Variants in TRAP1 observed in about 807,000 individuals in gnomAD.
TRAP1 encodes heat shock protein 75 kDa, mitochondrial.
A neutral mutation model predicts 89.1 loss-of-function variants in TRAP1; 102 were observed. The observed-to-expected ratio is 1.15, with a 90% CI of 0.98 to 1.35. TRAP1 has a LOEUF of 1.35. Ranked by LOEUF, TRAP1 falls within the 40% of genes most tolerant of loss-of-function variation. The pLI, the probability that TRAP1 is intolerant of heterozygous loss-of-function variation, is 0.00. For missense variants in TRAP1, 1,256 were observed against 945.3 expected, an observed-to-expected ratio of 1.33 and a Z score of -4.31; for synonymous variants, 508 against 388.0, an observed-to-expected ratio of 1.31 and a Z score of -3.64.
chr16:3,711,685 T>G (rs2051534297), intron 1 of TRAP1, among the ~76,000 whole-genome samples: 1 of 152,020 alleles, frequency 6.6e-6, no homozygotes, highest in Non-Finnish European at 1.5e-5. Context: ...ATACTGTTTC[T>G]CCAAGCTACA....
At chr16:3,714,465 C>A (rs966350779) in intron 1 of TRAP1, among the ~76,000 whole-genome samples, 1 of 152,080 alleles carries the variant, frequency 6.6e-6, no homozygotes, top group African/African-American at 2.4e-5. Flanking sequence ...TCGAGACCAC[C>A]CTGGCCAGCA....
In TRAP1 at chr16:3,704,400, A is replaced by G. The variant is rs371116322; in HGVS notation, c.88+13021T>C. 69 of 152,298 alleles carry G rather than the reference A, an allele frequency of 4.5e-4. No individual in the cohort carries two copies. In the East Asian group the frequency reaches 0.01, roughly 23 times the overall value. 9.4% of individuals were successfully genotyped at this position (152,298 alleles called of 1,614,324 possible). A position where few individuals can be genotyped will look rare whatever the true frequency, so the allele number is the denominator to read the frequency against. On this transcript the variant is annotated intron_variant, in intron 1 of 17. Transcript: ENST00000246957. ...TTAAAAACTTACGAGAAACATAAAC[A>G]CATTTACAAAATTTCAAACACATTT...
At chr16:3,712,434 T>G (rs1467132545) in intron 1 of TRAP1, among the ~76,000 whole-genome samples, 1 of 152,014 alleles carries the variant, frequency 6.6e-6, no homozygotes, top group Non-Finnish European at 1.5e-5. Flanking sequence ...AGTAAATGTT[T>G]ATTTTCCCAC....
At chr16:3,700,371 T>G (rs1225218305) in intron 1 of TRAP1, among the ~76,000 whole-genome samples, 2 of 151,946 alleles carry the variant, frequency 1.3e-5, no homozygotes, top group Non-Finnish European at 2.9e-5. Flanking sequence ...TTCTCCATGT[T>G]GGTCAGGCTG....
chr16:3,661,453 C>T (rs1596682282), intron 16 of TRAP1: 1 of 152,300 alleles, frequency 6.6e-6, no homozygotes, highest in African/African-American at 2.4e-5. Flanking sequence ...AAGCCCCAGA[C>T]ACGTGGACAA....
intron 1 of TRAP1, among the ~76,000 whole-genome samples, chr16:3,692,010 C>A (rs1251140686): frequency 6.6e-6 from 1 of 152,088 alleles, no homozygotes; most frequent in Non-Finnish European, 1.5e-5. Context: ...AGGACTGGAC[C>A]GACCCAACAC....
intron 1 of TRAP1, among the ~76,000 whole-genome samples, chr16:3,696,185 G>A (rs997949997): frequency 6.6e-6 from 1 of 152,116 alleles, no homozygotes; most frequent in African/African-American, 2.4e-5. Context: ...CTACCTGGCA[G>A]CCAGATCTTG....
At chr16:3,706,074 G>A (rs2051440793) in intron 1 of TRAP1, among the ~76,000 whole-genome samples, 1 of 150,834 alleles carries the variant, frequency 6.6e-6, no homozygotes, top group Admixed American at 6.6e-5. Flanking sequence ...CCAATTCCCA[G>A]GGTCAAGTGA....
At chr16:3,686,785 A>G (rs981036971) in intron 3 of TRAP1, among the ~76,000 whole-genome samples, 1 of 152,194 alleles carries the variant, frequency 6.6e-6, no homozygotes, top group Non-Finnish European at 1.5e-5. Flanking sequence ...AGCATGGCCA[A>G]CATGGCAAAA....
intron 4 of TRAP1, among the ~76,000 whole-genome samples, chr16:3,685,279 T>C (rs1465055964): frequency 6.6e-6 from 1 of 152,218 alleles, no homozygotes; most frequent in Non-Finnish European, 1.5e-5. Flanking sequence ...CTGGATTCTC[T>C]AAACCCAAGA....
intron 1 of TRAP1, among the ~76,000 whole-genome samples, chr16:3,704,645 G>T (rs1318375330): frequency 6.6e-6 from 1 of 151,788 alleles, no homozygotes; most frequent in Non-Finnish European, 1.5e-5. Context: ...TCGAGCTCAG[G>T]AGCTCGAGGC....
intron 9 of TRAP1, 47 bp downstream of exon 9, chr16:3,674,292 G>T: frequency 6.2e-7 from 1 of 1,604,490 alleles, no homozygotes; most frequent in South Asian, 1.1e-5. Flanking sequence ...TGCCACAGGG[G>T]ACAACAGAGT....
intron 1 of TRAP1, among the ~76,000 whole-genome samples, 193 bp downstream of exon 1, chr16:3,717,228 C>T (rs532441826): frequency 6.6e-6 from 1 of 152,314 alleles, no homozygotes; most frequent in East Asian, 1.9e-4. Flanking sequence ...GGGAGTCCAG[C>T]CGAGGAAAAG....
At chr16:3,690,571 T>A (rs139644916) in intron 2 of TRAP1, among the ~76,000 whole-genome samples, 3 of 152,126 alleles carry the variant, frequency 2.0e-5, no homozygotes, top group African/African-American at 7.2e-5. Flanking sequence ...AGATGTGCCA[T>A]GAATCACCAC....
At chr16:3,668,514 G>C (rs2050868125) in intron 11 of TRAP1, among the ~76,000 whole-genome samples, 1 of 152,222 alleles carries the variant, frequency 6.6e-6, no homozygotes, top group South Asian at 2.1e-4. Flanking sequence ...CATCGAGAAG[G>C]CAACTTCCTC....
At chr16:3,674,734 G>A (rs867030743) in intron 8 of TRAP1, 26 of 553,278 alleles carry the variant, frequency 4.7e-5, no homozygotes, top group African/African-American at 7.5e-5. Flanking sequence ...AGGACCAGCC[G>A]GGACCTGAGG....
intron 11 of TRAP1, among the ~76,000 whole-genome samples, chr16:3,668,415 G>A (rs754335148): frequency 2.0e-5 from 3 of 152,200 alleles, no homozygotes; most frequent in Non-Finnish European, 4.4e-5. Context: ...CATGAAGAAT[G>A]TGACATTTAC....
At chr16:3,692,675 T>C (rs951637790) in intron 1 of TRAP1, among the ~76,000 whole-genome samples, 3 of 147,508 alleles carry the variant, frequency 2.0e-5, no homozygotes, top group African/African-American at 7.5e-5. Context: ...CTCGGCTCAT[T>C]GCAACCTCCA....
intron 3 of TRAP1, 29 bp from the exon 4 acceptor site, chr16:3,686,165 CAA>C: frequency 1.2e-6 from 2 of 1,610,192 alleles, no homozygotes; most frequent in Non-Finnish European, 1.7e-6. Flanking sequence ...GAGGCACAGA[CAA>C]TGAAGGACAC....
Sources: allele counts gnomAD v4.1 joint callset (sites outside exome capture counted in the v4.1 genomes callset), GRCh38; gene constraint gnomAD v4.1.1; transcripts MANE v1.5; gene names NCBI Gene and HGNC (gene_info 2026-07-23, HGNC 2026-07-21).